The following ZNF30 variants were observed in gnomAD, a reference collection of about 807,000 sequenced individuals.
ZNF30 encodes zinc finger protein 30 (KOX 28).
In ZNF30, 15 loss-of-function variants were observed where a neutral mutation model predicts 13.2. The observed-to-expected ratio is 1.13, with a 90% CI of 0.76 to 1.75. ZNF30 has a LOEUF of 1.75. ZNF30 is among the 40% of genes most tolerant of loss of function. ZNF30 has a pLI of 0.00. For synonymous variants in ZNF30, 223 were observed against 256.6 expected, an observed-to-expected ratio of 0.87 and a Z score of 1.25; for missense variants, 726 against 757.0, an observed-to-expected ratio of 0.96 and a Z score of 0.48.
At position 34,944,027 on chromosome 19, in the gene ZNF30, G is replaced by A. The variant is rs768939075; in HGVS notation, c.1061G>A (p.Arg354Lys). The A allele has an allele frequency of 6.2e-7, 1 of 1,614,084 alleles. No individual in the cohort carries two copies. The highest frequency in any genetic ancestry group is 1.1e-5 in the South Asian group (1 of 91,078). Residue 354 changes from arginine (R) to lysine (K), a missense_variant, in exon 5 of 5, where the codon AGA (arginine) becomes AAA (lysine). Physicochemically the swap from Arg to Lys is conservative, Grantham distance 26. Coordinates refer to ENST00000601142, the MANE Select transcript of ZNF30 (RefSeq NM_194325.3). ...FECKECGKAF[R>K]LSSFLHAHQR... ...TGTAAGGAATGTGGAAAGGCCTTTA[G>A]ACTTAGTTCCTTCCTTCATGCACAT...
intron 4 of ZNF30, chr19:34,942,789 T>A (rs970612848): frequency 2.7e-6 from 1 of 370,562 alleles, no homozygotes; most frequent in Non-Finnish European, 5.1e-6. Flanking sequence ...CAATATTATC[T>A]GTGGAAAGAT....
intron 2 of ZNF30, 66 bp from the exon 3 acceptor site, chr19:34,931,777 T>A: frequency 6.6e-7 from 1 of 1,518,570 alleles, no homozygotes; most frequent in African/African-American, 1.4e-5. Context: ...TATTGCTCCC[T>A]TACTACACTG....
chr19:34,944,582 C>T lies in ZNF30; in HGVS notation c.1616C>T (p.Pro539Leu). ...CAAAGAATTCATACTGGGGAGAAAC[C>T]CTATGAATGTAACAAATGTGGGAAA... ...QHQRIHTGEK[P>L]YECNKCGKAF... The change falls in exon 5 of 5, where the codon CCC becomes CTC. Residue 539 changes from proline (P) to leucine (L), a missense_variant. Transcript: ENST00000601142. The T allele has an allele frequency of 6.2e-7, 1 of 1,614,088 alleles. No homozygotes were observed.
intron 4 of ZNF30, among the ~76,000 whole-genome samples, chr19:34,939,119 T>G: frequency 7.7e-6 from 1 of 129,488 alleles, no homozygotes; most frequent in African/African-American, 3.5e-5. Flanking sequence ...ATCAGTGTCT[T>G]GTCTCCCCTC....
intron 4 of ZNF30, among the ~76,000 whole-genome samples, chr19:34,937,076 A>G (rs1342758978): frequency 1.3e-5 from 2 of 151,644 alleles, no homozygotes; most frequent in East Asian, 3.9e-4. Context: ...CAGTGGTGCG[A>G]TCTCAGCTCA....
Position 34,943,387 on chromosome 19 carries a change from A to G in ZNF30, c.421A>G (p.Ile141Val), listed in dbSNP as rs1243006822. Residue 141 changes from isoleucine to valine, a missense_variant, in exon 5 of 5, where the codon ATA becomes GTA. Transcript: ENST00000601142. ...CTCAAAGCCTGTTCAACATGAAAGA[A>G]TACATAGTAGTGAAAAACCCAACAG... ...QDSKPVQHERIHSSEKPNRCK... is the reference protein window; with the variant it reads ...QDSKPVQHERVHSSEKPNRCK... 1.2e-6 allele frequency: 2 copies of G among 1,614,014 alleles called. No homozygotes were observed. Among genetic ancestry groups the G allele is most frequent in the Non-Finnish European group, 1.7e-6 (2 of 1,179,892 alleles).
intron 3 of ZNF30, among the ~76,000 whole-genome samples, chr19:34,932,285 C>G (rs1039325153): frequency 1.3e-5 from 2 of 152,176 alleles, no homozygotes; most frequent in Non-Finnish European, 2.9e-5. Flanking sequence ...GACAAAGGGT[C>G]TTGATTTGTT....
In ZNF30 at chr19:34,933,698, G is replaced by A. The variant is rs1417325945; in HGVS notation, c.231G>A (p.Arg77=). 6.3e-7 allele frequency: 1 copy of A among 1,590,640 alleles called. No individual in the cohort carries two copies. The highest frequency in any genetic ancestry group is 8.6e-7 in the Non-Finnish European group (1 of 1,168,038). ...EQWKEPEVTV[R]KDGRRWCTDL... ...GGAAAGAGCCTGAAGTGACAGTGAG[G>A]AAAGATGGAAGAAGATGGTGCACAG... is the stretch of plus-strand genomic sequence containing the variant. The change falls in exon 4 of 5, where the codon AGG becomes AGA. Residue 77 remains arginine (R), a synonymous_variant. Transcript: ENST00000601142.
In ZNF30 at chr19:34,933,630, C is replaced by G; in HGVS notation, c.163C>G (p.His55Asp). The change falls in exon 4 of 5, where the codon CAT (histidine) becomes GAT (aspartate). Residue 55 changes from histidine to aspartate, a missense_variant and splice_region_variant. By Grantham distance (81) the His-to-Asp change is moderately conservative. Transcript: ENST00000601142. ...ENYRNLVSMGHSRSKPHVIAL... is the reference protein window; with the variant it reads ...ENYRNLVSMGDSRSKPHVIAL... ...CTACATTCTTATCTCATAAGCAGGACATTCCCGTTCTAAACCACATGTGAT... is the reference window on the plus strand; with the variant it reads ...CTACATTCTTATCTCATAAGCAGGAGATTCCCGTTCTAAACCACATGTGAT... 6.3e-7 allele frequency: 1 copy of G among 1,593,346 alleles called. No homozygotes were observed. The highest frequency in any genetic ancestry group is 1.1e-5 in the South Asian group (1 of 87,480).
At chr19:34,926,886 G>C (rs570451234), upstream of ZNF30, 143 of 398,028 alleles carry the variant, frequency 3.6e-4, no homozygotes, top group East Asian at 3.5e-3. Context: ...AGAAGTCTCC[G>C]GGCGCCGGTG....
In ZNF30 at chr19:34,944,909, G is replaced by A. The variant is rs151032100; in HGVS notation, c.*71G>A. 0.015 allele frequency: 20,750 copies of A among 1,404,856 alleles called. 194 individuals carry two copies. Among genetic ancestry groups the A allele is most frequent in the Non-Finnish European group, 0.016 (16,842 of 1,056,820 alleles). 87.0% of individuals were successfully genotyped at this position (1,404,856 alleles called of 1,614,324 possible). A position where few individuals can be genotyped will look rare whatever the true frequency, so the allele number is the denominator to read the frequency against. ...GTTGAACATCGGGGAATTTATGCTGGTAGGAAACTTTCAAATGTGAAGAAT... is the reference window on the plus strand; with the variant it reads ...GTTGAACATCGGGGAATTTATGCTGATAGGAAACTTTCAAATGTGAAGAAT... On this transcript the variant is annotated 3_prime_UTR_variant, in exon 5 of 5. Coordinates refer to ENST00000601142, the MANE Select transcript of ZNF30 (RefSeq NM_194325.3).
upstream of ZNF30, among the ~76,000 whole-genome samples, chr19:34,924,111 T>C (rs1600209935): frequency 6.6e-6 from 1 of 152,116 alleles, no homozygotes; most frequent in East Asian, 1.9e-4. Flanking sequence ...ATCTCCAATT[T>C]ACCTCTGACG....
intron 4 of ZNF30, 132 bp from the exon 5 acceptor site, chr19:34,943,089 TTG>T: frequency 3.2e-6 from 2 of 620,990 alleles, no homozygotes; most frequent in East Asian, 3.1e-5. Flanking sequence ...TTTTTTTTTT[TTG>T]AATTTCATAA....
chr19:34,928,220 AATATATATATATATATATAT>A (rs374649415), intron 1 of ZNF30, among the ~76,000 whole-genome samples: 1 of 73,416 alleles, frequency 1.4e-5, no homozygotes, highest in Non-Finnish European at 2.6e-5. Flanking sequence ...AAAAAAAAAA[AATATATATATATATATATAT>A]ATATATATAT....
chr19:34,930,613 C>T (rs1362276712), intron 2 of ZNF30, among the ~76,000 whole-genome samples: 2 of 152,134 alleles, frequency 1.3e-5, no homozygotes, highest in African/African-American at 4.8e-5. Flanking sequence ...AACCCAGGAC[C>T]TTGGGAGCCC....
intron 4 of ZNF30, among the ~76,000 whole-genome samples, chr19:34,942,926 C>A (rs529341752): frequency 6.6e-6 from 1 of 152,326 alleles, no homozygotes; most frequent in East Asian, 1.9e-4. Context: ...CCAGGAACTT[C>A]CCCTATGTCT....
chr19:34,942,817 A>C (rs1325239424), intron 4 of ZNF30: 2 of 318,466 alleles, frequency 6.3e-6, no homozygotes, highest in Non-Finnish European at 1.2e-5. Context: ...TTTTAATGTA[A>C]GCGCCACAAG....
intron 1 of ZNF30, among the ~76,000 whole-genome samples, chr19:34,928,630 C>T (rs889951626): frequency 6.6e-6 from 1 of 151,062 alleles, no homozygotes; most frequent in Non-Finnish European, 1.5e-5. Context: ...GTCAGGAGTT[C>T]GAGACCAGCC....
intron 1 of ZNF30, among the ~76,000 whole-genome samples, chr19:34,928,252 T>TATATATATAGATAG (rs1325117057): frequency 7.3e-4 from 41 of 56,532 alleles, no homozygotes; most frequent in African/African-American, 6.7e-4. Flanking sequence ...TATATATATA[T>TATATATATAGATAG]ATAGATAGAT....
Sources: allele counts gnomAD v4.1 joint callset (sites outside exome capture counted in the v4.1 genomes callset), GRCh38; gene constraint gnomAD v4.1.1; transcripts MANE v1.5; gene names NCBI Gene and HGNC (gene_info 2026-07-23, HGNC 2026-07-21).